SH3PXD2A: variants seen among roughly 807,000 people sequenced by gnomAD.
SH3PXD2A encodes the protein SH3 and PX domains 2A, also known as SH3 and PX domain-containing protein 2A.
SH3PXD2A carries 32 observed loss-of-function variants against 115.2 expected under a neutral mutation model. That is an observed-to-expected ratio of 0.28 (90% CI 0.21 to 0.37). The LOEUF (loss-of-function observed/expected upper bound fraction) is 0.37, where lower values mean the gene tolerates loss of function less well. SH3PXD2A is among the 10% of genes least tolerant of loss of function. The pLI is 1.00. For missense variants in SH3PXD2A, 1,328 were observed against 1,498.7 expected (o/e 0.89, Z 1.88); for synonymous variants, 610 against 629.1 (o/e 0.97, Z 0.45).
chr10:103,733,877 C>T (rs926749952), intron 4 of SH3PXD2A, among the ~76,000 whole-genome samples: 1 of 152,000 alleles, frequency 6.6e-6, no homozygotes, highest in South Asian at 2.1e-4. Flanking sequence ...CTCAAGCAGT[C>T]CTCTCACCTC....
At chr10:103,651,561 A>C (rs1176598643) in intron 8 of SH3PXD2A, among the ~76,000 whole-genome samples, 3 of 152,214 alleles carry the variant, frequency 2.0e-5, no homozygotes, top group Admixed American at 1.3e-4. Context: ...GCAGTGACTG[A>C]AGCTCATGCC....
At chr10:103,608,150 T>TAAAAAAAAAAAAAAAGTTTACA (rs1554903062) in intron 13 of SH3PXD2A, among the ~76,000 whole-genome samples, 1 of 32,670 alleles carries the variant, frequency 3.1e-5, no homozygotes, top group African/African-American at 2.4e-4. Flanking sequence ...ATGATCAATT[T>TAAAAAAAAAAAAAAAGTTTACA]AAAAAAAAAA....
At chr10:103,610,569 C>T (rs1163486453) in intron 13 of SH3PXD2A, among the ~76,000 whole-genome samples, 1 of 152,174 alleles carries the variant, frequency 6.6e-6, no homozygotes, top group African/African-American at 2.4e-5. Flanking sequence ...GCCTACTCTT[C>T]CATAGACTGG....
In SH3PXD2A at chr10:103,779,497, G is replaced by A. The variant is rs565244375; in HGVS notation, c.154-12328C>T. The stretch of plus-strand genomic sequence containing the variant: ...GAGCAGGGAGGGTATACATGGGGCA[G>A]TGTGAGGGGCAGGGCTGCAGGGGTC... On this transcript the variant is annotated intron_variant, in intron 2 of 14. Coordinates refer to ENST00000369774, the MANE Select transcript of SH3PXD2A (RefSeq NM_001394015.1). 3.3e-5 allele frequency among the ~76,000 whole-genome samples: 5 copies of A among 152,316 alleles called. No homozygotes were observed. The South Asian group carries it at 8.3e-4, about 25-fold the overall frequency.
At chr10:103,624,197 A>T (rs1292181103) in intron 9 of SH3PXD2A, among the ~76,000 whole-genome samples, 1 of 152,206 alleles carries the variant, frequency 6.6e-6, no homozygotes, top group Non-Finnish European at 1.5e-5. Context: ...CCCTGGGAAG[A>T]AGGGGATGTG....
intron 3 of SH3PXD2A, among the ~76,000 whole-genome samples, chr10:103,748,810 T>A (rs1389992686): frequency 6.6e-6 from 1 of 151,996 alleles, no homozygotes; most frequent in African/African-American, 2.4e-5. Flanking sequence ...AGAGACTGAA[T>A]GGCCACACAG....
intron 5 of SH3PXD2A, among the ~76,000 whole-genome samples, chr10:103,718,577 G>A (rs1049894848): frequency 6.6e-6 from 1 of 152,216 alleles, no homozygotes; most frequent in South Asian, 2.1e-4. Flanking sequence ...GGGAAGTCAG[G>A]TAACTGCTAG....
chr10:103,801,979 CAGGCATG>C (rs2039152190), intron 1 of SH3PXD2A, among the ~76,000 whole-genome samples: 1 of 152,236 alleles, frequency 6.6e-6, no homozygotes, highest in African/African-American at 2.4e-5. Flanking sequence ...GCTGGGATTA[CAGGCATG>C]AGCCACCACG....
At chr10:103,615,304 A>T (rs925612814) in intron 11 of SH3PXD2A, among the ~76,000 whole-genome samples, 7 of 152,306 alleles carry the variant, frequency 4.6e-5, no homozygotes, top group African/African-American at 1.4e-4. Context: ...CGAGTGCTGT[A>T]TTTGTGTTCC....
At chr10:103,783,439 G>A (rs1473817553) in intron 2 of SH3PXD2A, among the ~76,000 whole-genome samples, 1 of 88,290 alleles carries the variant, frequency 1.1e-5, no homozygotes, top group African/African-American at 3.4e-5. Context: ...GGGCAGATCC[G>A]GGCTGTCTCT....
chr10:103,773,744 T>G (rs979481952), intron 2 of SH3PXD2A, among the ~76,000 whole-genome samples: 1 of 152,146 alleles, frequency 6.6e-6, no homozygotes, highest in Non-Finnish European at 1.5e-5. Flanking sequence ...CCCAGCCTTC[T>G]TTTCTTTCTT....
chr10:103,809,451 G>A (rs1046735491), intron 1 of SH3PXD2A, among the ~76,000 whole-genome samples: 28 of 152,228 alleles, frequency 1.8e-4, no homozygotes, highest in Admixed American at 4.6e-4. Flanking sequence ...TCCACCAGTC[G>A]CCTCCAAAAC....
intron 2 of SH3PXD2A, among the ~76,000 whole-genome samples, chr10:103,799,514 T>A (rs937111642): frequency 9.2e-5 from 14 of 152,232 alleles, no homozygotes; most frequent in African/African-American, 3.1e-4. Flanking sequence ...CCTGCTTGCG[T>A]ATCCCCTTTC....
At chr10:103,745,798 C>CGGCTT (rs1934265994) in intron 3 of SH3PXD2A, among the ~76,000 whole-genome samples, 1 of 152,222 alleles carries the variant, frequency 6.6e-6, no homozygotes, top group Admixed American at 6.5e-5. Flanking sequence ...GTCTCCCACA[C>CGGCTT]GGCTTCCGTT....
intron 1 of SH3PXD2A, among the ~76,000 whole-genome samples, chr10:103,816,489 C>A (rs1191404955): frequency 6.6e-6 from 1 of 152,176 alleles, no homozygotes; most frequent in Non-Finnish European, 1.5e-5. Flanking sequence ...TGGCTATAAT[C>A]AAACTCGCAG....
At chr10:103,709,109 G>A (rs534354438) in intron 5 of SH3PXD2A, among the ~76,000 whole-genome samples, 6 of 151,986 alleles carry the variant, frequency 3.9e-5, no homozygotes, top group African/African-American at 1.2e-4. Context: ...CCATTCAGAG[G>A]AGCCAGTCCC....
intron 5 of SH3PXD2A, among the ~76,000 whole-genome samples, chr10:103,708,502 G>T (rs577480747): frequency 7.0e-4 from 107 of 152,316 alleles, no homozygotes; most frequent in African/African-American, 2.4e-3. Flanking sequence ...TATGTCTGGG[G>T]ATGGCCTGGA....
Position 103,727,206 on chromosome 10 carries a change from A to G in SH3PXD2A, c.307-2845T>C, listed in dbSNP as rs1285106344. ...CACTGAGGCTGCTGGGGGTGAAGCC[A>G]TAAGTGAGGAAAGGGGCAGAATCCA... On this transcript the variant is annotated intron_variant, in intron 4 of 14. Coordinates refer to ENST00000369774, the MANE Select transcript of SH3PXD2A (RefSeq NM_001394015.1). 3.9e-5 allele frequency among the ~76,000 whole-genome samples: 6 copies of G among 152,210 alleles called. No homozygotes were observed. The East Asian group carries it at 5.8e-4, about 15-fold the overall frequency.
Position 103,735,725 on chromosome 10 carries a change from C to T in SH3PXD2A, c.306+7G>A, listed in dbSNP as rs1183773017. Reference sequence around the variant, plus strand: ...AGCCCCTCCCCCAGCCCCAGATACACTCTCACCCGGCAGTATTCATCGATG... The same window carrying T: ...AGCCCCTCCCCCAGCCCCAGATACATTCTCACCCGGCAGTATTCATCGATG... On this transcript the variant is annotated splice_region_variant and intron_variant, in intron 4 of 14. Coordinates refer to ENST00000369774, the MANE Select transcript of SH3PXD2A (RefSeq NM_001394015.1). 1 of 1,579,244 alleles carries T rather than the reference C, an allele frequency of 6.3e-7. No individual in the cohort carries two copies. Among genetic ancestry groups the T allele is most frequent in the Admixed American group, 1.7e-5 (1 of 59,930 alleles).
Sources: allele counts gnomAD v4.1 joint callset (sites outside exome capture counted in the v4.1 genomes callset), GRCh38; gene constraint gnomAD v4.1.1; transcripts MANE v1.5; gene names NCBI Gene and HGNC (gene_info 2026-07-23, HGNC 2026-07-21).